TTC1: variants seen among roughly 807,000 people sequenced by gnomAD.
TTC1 encodes tetratricopeptide repeat protein 1.
In TTC1, 31 loss-of-function variants were observed where a neutral mutation model predicts 37.6. The ratio of observed to expected loss-of-function variants is 0.82; its 90% CI spans 0.62 to 1.11. The LOEUF (loss-of-function observed/expected upper bound fraction) is 1.11. TTC1 is among the 50% of genes most tolerant of loss of function. The pLI, the probability that TTC1 is intolerant of heterozygous loss-of-function variation, is 0.00. For synonymous variants in TTC1, 127 were observed against 122.4 expected (o/e 1.04, Z -0.25); for missense variants, 351 against 339.0 (o/e 1.04, Z -0.28).
chr5:160,045,507 CACACACAT>C lies in TTC1; in HGVS notation c.541+2345_541+2352del, dbSNP rs1176226965. Among the ~76,000 whole-genome samples, 458 of 88,376 alleles carry C rather than the reference CACACACAT, an allele frequency of 5.2e-3. 1 individual carries two copies. The highest frequency in any genetic ancestry group is 8.6e-3 in the East Asian group (22 of 2,556). 58.0% of individuals were successfully genotyped at this position (88,376 alleles called of 152,430 possible). A position where few individuals can be genotyped will look rare whatever the true frequency, so the allele number is the denominator to read the frequency against. ...ACACACACACACACACACACACACA[CACACACAT>C]ACACACTCTCTCTCTCTCTCTCTCT... On this transcript the variant is annotated intron_variant, in intron 5 of 7. Transcript: ENST00000231238.
intron 7 of TTC1, among the ~76,000 whole-genome samples, chr5:160,056,513 G>A (rs1757551205): frequency 6.6e-6 from 1 of 152,102 alleles, no homozygotes; most frequent in South Asian, 2.1e-4. Flanking sequence ...GACTGCAGTT[G>A]AAGAGTTCAA....
At chr5:160,050,687 A>T (rs145937718) in intron 6 of TTC1, among the ~76,000 whole-genome samples, 7 of 144,930 alleles carry the variant, frequency 4.8e-5, no homozygotes, top group Non-Finnish European at 1.0e-4. Flanking sequence ...GAGCAGTGGC[A>T]CAGTCATGGC....
chr5:160,052,548 C>CAAAAAAAAA (rs557157232), intron 7 of TTC1, among the ~76,000 whole-genome samples: 1 of 68,070 alleles, frequency 1.5e-5, no homozygotes, highest in Non-Finnish European at 2.6e-5. Context: ...TCTATTTTAG[C>CAAAAAAAAA]AAAAAAAAAA....
chr5:160,055,993 A>G (rs768518174), intron 7 of TTC1, among the ~76,000 whole-genome samples: 8 of 152,206 alleles, frequency 5.3e-5, no homozygotes, highest in Non-Finnish European at 8.8e-5. Context: ...TGTGCAGGGG[A>G]TAACAAGCTT....
intron 3 of TTC1, among the ~76,000 whole-genome samples, chr5:160,035,630 T>C (rs544391287): frequency 6.6e-6 from 1 of 152,244 alleles, no homozygotes; most frequent in Non-Finnish European, 1.5e-5. Flanking sequence ...TCTTTCTTTC[T>C]TTCTTTCTTT....
At chr5:160,051,374 A>C (rs1399208206) in intron 7 of TTC1, among the ~76,000 whole-genome samples, 191 bp downstream of exon 7, 1 of 152,186 alleles carries the variant, frequency 6.6e-6, no homozygotes, top group East Asian at 1.9e-4. Flanking sequence ...TTTGGAAACC[A>C]GATTTCCTTT....
chr5:160,013,595 T>A (rs1756540170), intron 2 of TTC1, among the ~76,000 whole-genome samples: 1 of 151,478 alleles, frequency 6.6e-6, no homozygotes, highest in Admixed American at 6.6e-5. Context: ...ATACAAAAAT[T>A]AACTGGACGT....
intron 7 of TTC1, among the ~76,000 whole-genome samples, chr5:160,055,753 G>T (rs568186000): frequency 6.6e-6 from 1 of 152,368 alleles, no homozygotes; most frequent in Admixed American, 6.5e-5. Context: ...AGGAGGGCAT[G>T]GCTAAGAGGG....
chr5:160,036,976 C>G (rs1757009106), intron 4 of TTC1, among the ~76,000 whole-genome samples, 173 bp downstream of exon 4: 1 of 152,136 alleles, frequency 6.6e-6, no homozygotes, highest in African/African-American at 2.4e-5. Context: ...AAACTTGAGT[C>G]AGATTACTGT....
At position 160,010,740 on chromosome 5, in the gene TTC1, A is replaced by T; in HGVS notation, c.212A>T (p.Glu71Val). 1 of 1,614,096 alleles carries T rather than the reference A, an allele frequency of 6.2e-7. No individual in the cohort carries two copies. Among genetic ancestry groups the T allele is most frequent in the Non-Finnish European group, 8.5e-7 (1 of 1,179,982 alleles). ...TTTCATGACTGCAGTGCCTCATTTG[A>T]GGAGGAGCCAGGAGCGGACAAGGTT... ...ECFHDCSASF[E>V]EEPGADKVEN... is the part of the protein sequence containing the mutation. The change falls in exon 2 of 8, where the codon GAG (glutamate) becomes GTG (valine). Residue 71 changes from glutamate to valine, a missense_variant. Physicochemically the swap from Glu to Val is moderately radical, Grantham distance 121 (BLOSUM62 -2). Coordinates refer to ENST00000231238, the MANE Select transcript of TTC1 (RefSeq NM_003314.3).
intron 4 of TTC1, among the ~76,000 whole-genome samples, chr5:160,038,336 C>T (rs931164197): frequency 3.3e-5 from 5 of 152,162 alleles, no homozygotes; most frequent in African/African-American, 1.2e-4. Flanking sequence ...AGATTTGCTT[C>T]TCCCTTTTGC....
intron 7 of TTC1, among the ~76,000 whole-genome samples, chr5:160,052,944 CAT>C (rs1284839085): frequency 6.6e-6 from 1 of 152,192 alleles, no homozygotes; most frequent in Non-Finnish European, 1.5e-5. Flanking sequence ...TGTTGTTACA[CAT>C]GTGTAGTTTG....
chr5:160,027,236 C>T (rs1276349480), intron 2 of TTC1, among the ~76,000 whole-genome samples: 1 of 152,108 alleles, frequency 6.6e-6, no homozygotes, highest in Non-Finnish European at 1.5e-5. Flanking sequence ...GCCGTGTTGC[C>T]TAAGCTGTTC....
At chr5:160,050,777 C>T (rs570076169) in intron 6 of TTC1, among the ~76,000 whole-genome samples, 1 of 152,022 alleles carries the variant, frequency 6.6e-6, no homozygotes, top group African/African-American at 2.4e-5. Flanking sequence ...AGACACATGC[C>T]AACACACCCA....
intron 7 of TTC1, among the ~76,000 whole-genome samples, chr5:160,056,988 T>C (rs755275433): frequency 3.9e-5 from 6 of 152,074 alleles, no homozygotes; most frequent in African/African-American, 1.2e-4. Context: ...TTTTTTTTTT[T>C]CCACATTTCT....
rs200502920 is a variant in TTC1, at chr5:160,064,950, G to C, written c.764G>C (p.Gly255Ala). Residue 255 changes from glycine to alanine, a missense_variant, in exon 8 of 8, where the codon GGG (glycine) becomes GCG (alanine). By Grantham distance (60) the Gly-to-Ala change is moderately conservative (BLOSUM62 0). Coordinates refer to ENST00000231238, the MANE Select transcript of TTC1 (RefSeq NM_003314.3). ...ATTACAGGTAAATTAAAAGATCTTGGGAACTTGGTTCTCCGACCTTTTGGG... is the reference window on the plus strand; with the variant it reads ...ATTACAGGTAAATTAAAAGATCTTGCGAACTTGGTTCTCCGACCTTTTGGG... ...EEMLGKLKDL[G>A]NLVLRPFGLS... 1.4e-5 allele frequency: 22 copies of C among 1,611,314 alleles called. No individual in the cohort carries two copies. The Admixed American group carries it at 2.2e-4, about 16-fold the overall frequency.
chr5:160,056,544 C>A (rs953243077), intron 7 of TTC1, among the ~76,000 whole-genome samples: 1 of 152,056 alleles, frequency 6.6e-6, no homozygotes, highest in East Asian at 1.9e-4. Context: ...GGCAGCATAG[C>A]AAGACCCTGT....
At chr5:160,018,006 G>A (rs1455544402) in intron 2 of TTC1, among the ~76,000 whole-genome samples, 1 of 152,186 alleles carries the variant, frequency 6.6e-6, no homozygotes, top group Non-Finnish European at 1.5e-5. Context: ...GCTATGGTTT[G>A]AATGTTTTCC....
chr5:160,028,829 C>G (rs1756856456), intron 2 of TTC1, among the ~76,000 whole-genome samples: 1 of 152,074 alleles, frequency 6.6e-6, no homozygotes, highest in South Asian at 2.1e-4. Flanking sequence ...CCTTACTTCA[C>G]CACATCAGAA....
Sources: gnomAD v4.1 joint callset for allele counts (sites outside exome capture counted in the v4.1 genomes callset) on GRCh38, gnomAD v4.1.1 for gene constraint, MANE v1.5 for transcripts, NCBI Gene and HGNC (gene_info 2026-07-23, HGNC 2026-07-21) for gene names.